The following METTL15 variants were observed in gnomAD, a reference collection of about 807,000 sequenced individuals.
METTL15 encodes the protein methyltransferase 15, mitochondrial 12S rRNA N4-cytidine.
A neutral mutation model predicts 38.3 loss-of-function variants in METTL15; 34 were observed. That is an observed-to-expected ratio of 0.89 (90% CI 0.68 to 1.18). METTL15 has a LOEUF of 1.18. Among genes scored for constraint, METTL15 ranks in the 50% most tolerant of loss-of-function variants. METTL15 has a pLI of 0.00. For missense variants in METTL15, 438 were observed against 498.4 expected (o/e 0.88, Z 1.15); for synonymous variants, 162 against 170.9 (o/e 0.95, Z 0.41).
chr11:28,365,744 T>A (rs1285275269), intron 5 of METTL15, among the ~76,000 whole-genome samples: 6 of 152,120 alleles, frequency 3.9e-5, no homozygotes, highest in Admixed American at 3.9e-4. Context: ...TTGAGCTAAC[T>A]GCTTAGAAAT....
intron 5 of METTL15, among the ~76,000 whole-genome samples, chr11:28,400,304 G>A (rs1205553966): frequency 4.0e-5 from 6 of 151,696 alleles, no homozygotes; most frequent in South Asian, 2.1e-4. Context: ...CGCAAGCTTC[G>A]CTTTAAGCTT....
intron 5 of METTL15, among the ~76,000 whole-genome samples, chr11:28,293,785 T>G (rs1856621262): frequency 6.6e-6 from 1 of 152,206 alleles, no homozygotes; most frequent in African/African-American, 2.4e-5. Flanking sequence ...CTTTGTCAGT[T>G]GGATTCCTAA....
intron 3 of METTL15, among the ~76,000 whole-genome samples, chr11:28,203,467 A>G (rs1435190837): frequency 1.3e-5 from 2 of 152,120 alleles, no homozygotes; most frequent in African/African-American, 2.4e-5. Context: ...ATATGTATCT[A>G]TCTTCATATT....
At chr11:28,355,874 G>T (rs1850085940) in intron 4 of METTL15, among the ~76,000 whole-genome samples, 1 of 152,112 alleles carries the variant, frequency 6.6e-6, no homozygotes, top group South Asian at 2.1e-4. Context: ...GGTTTCAGAT[G>T]ATTTGGAGTC....
At chr11:28,377,315 G>T (rs1387702124) in intron 5 of METTL15, among the ~76,000 whole-genome samples, 9 of 151,858 alleles carry the variant, frequency 5.9e-5, no homozygotes, top group African/African-American at 2.2e-4. Flanking sequence ...CATAGATTTG[G>T]TCTTTTCACA....
chr11:28,232,480 T>G (rs1186471668), intron 4 of METTL15, among the ~76,000 whole-genome samples: 1 of 151,712 alleles, frequency 6.6e-6, no homozygotes, highest in Non-Finnish European at 1.5e-5. Flanking sequence ...GCATAAAAAT[T>G]TTTTCTTTGA....
downstream of METTL15, among the ~76,000 whole-genome samples, chr11:28,336,392 G>A (rs1004836726): frequency 2.0e-5 from 3 of 152,118 alleles, no homozygotes; most frequent in Non-Finnish European, 4.4e-5. Flanking sequence ...TACATATTGA[G>A]GGGGAAAAGG....
At chr11:28,286,179 G>A (rs113922437) in intron 4 of METTL15, among the ~76,000 whole-genome samples, 14 of 152,304 alleles carry the variant, frequency 9.2e-5, no homozygotes, top group East Asian at 1.9e-4. Flanking sequence ...AGCTGATGTC[G>A]TGGTCTTGAG....
At chr11:28,235,712 A>G (rs1248833853) in intron 4 of METTL15, among the ~76,000 whole-genome samples, 1 of 151,984 alleles carries the variant, frequency 6.6e-6, no homozygotes, top group Non-Finnish European at 1.5e-5. Context: ...TTGGGCTGAG[A>G]CAATGGGGTT....
intron 5 of METTL15, among the ~76,000 whole-genome samples, chr11:28,378,252 A>C (rs1005647227): frequency 1.3e-5 from 2 of 152,096 alleles, no homozygotes; most frequent in African/African-American, 4.8e-5. Context: ...CCCCTCCCCC[A>C]GCCTCACTGC....
intron 5 of METTL15, among the ~76,000 whole-genome samples, chr11:28,390,286 G>A (rs1210550860): frequency 1.3e-4 from 20 of 150,924 alleles, no homozygotes; most frequent in Admixed American, 1.3e-3. Flanking sequence ...TGGTGTTTTA[G>A]ACATGAAGTC....
intron 6 of METTL15, among the ~76,000 whole-genome samples, chr11:28,434,688 T>C (rs1484120912): frequency 6.6e-6 from 1 of 152,190 alleles, no homozygotes; most frequent in Non-Finnish European, 1.5e-5. Flanking sequence ...GACATAAACT[T>C]AGTGGTCATT....
chr11:28,262,486 C>T (rs572487197), intron 4 of METTL15, among the ~76,000 whole-genome samples: 11 of 151,830 alleles, frequency 7.2e-5, no homozygotes, highest in South Asian at 4.2e-4. Flanking sequence ...CATAAACATT[C>T]GCTTCACTGT....
chr11:28,252,619 T>C (rs1854793916), intron 4 of METTL15, among the ~76,000 whole-genome samples: 1 of 152,146 alleles, frequency 6.6e-6, no homozygotes, highest in African/African-American at 2.4e-5. Flanking sequence ...TTTTCCTTTC[T>C]AGTGAACTTT....
At chr11:28,464,072 T>C (rs567276369) in intron 6 of METTL15, among the ~76,000 whole-genome samples, 2 of 152,224 alleles carry the variant, frequency 1.3e-5, no homozygotes, top group Admixed American at 1.3e-4. Flanking sequence ...CAAAGTTGAA[T>C]CGTGTTTGAT....
intron 3 of METTL15, among the ~76,000 whole-genome samples, chr11:28,340,676 A>G (rs920397325): frequency 7.2e-5 from 11 of 152,192 alleles, no homozygotes; most frequent in South Asian, 6.2e-4. Flanking sequence ...GAAACAACAG[A>G]TCTGGAGAGG....
At chr11:28,389,143 C>G (rs557044668) in intron 5 of METTL15, among the ~76,000 whole-genome samples, 5 of 151,838 alleles carry the variant, frequency 3.3e-5, no homozygotes, top group Admixed American at 6.6e-5. Context: ...AATAAACATA[C>G]GTGTGCATGT....
At chr11:28,114,768 T>C (rs146100591) in intron 3 of METTL15, among the ~76,000 whole-genome samples, 102 of 152,272 alleles carry the variant, frequency 6.7e-4, no homozygotes, top group African/African-American at 2.3e-3. Context: ...AGTTTTGGTA[T>C]GTACATATGT....
At chr11:28,369,764 C>T (rs894984209) in intron 5 of METTL15, among the ~76,000 whole-genome samples, 1 of 152,060 alleles carries the variant, frequency 6.6e-6, no homozygotes, top group Non-Finnish European at 1.5e-5. Context: ...CAAAACTAGA[C>T]CTGCCTTGCA....
Sources: allele counts gnomAD v4.1 joint callset (sites outside exome capture counted in the v4.1 genomes callset), GRCh38; gene constraint gnomAD v4.1.1; transcripts MANE v1.5; gene names NCBI Gene and HGNC (gene_info 2026-07-23, HGNC 2026-07-21).